SAXO1: variants seen among roughly 807,000 people sequenced by gnomAD.
The protein encoded by SAXO1 is 4930500O09Rik.
In SAXO1, 21 loss-of-function variants were observed where a neutral mutation model predicts 17.5. That is an observed-to-expected ratio of 1.20 (90% CI 0.85 to 1.72). The LOEUF (loss-of-function observed/expected upper bound fraction) is 1.72. Ranked by LOEUF, SAXO1 falls within the 40% of genes most tolerant of loss-of-function variation. The pLI, the probability that SAXO1 is intolerant of heterozygous loss-of-function variation, is 0.00. For missense variants in SAXO1, 843 were observed against 596.0 expected, an observed-to-expected ratio of 1.41 and a Z score of -4.32; for synonymous variants, 274 against 216.5, an observed-to-expected ratio of 1.27 and a Z score of -2.33.
chr9:18,991,884 C>A (rs1833830209), intron 1 of SAXO1, among the ~76,000 whole-genome samples: 1 of 152,106 alleles, frequency 6.6e-6, no homozygotes, highest in South Asian at 2.1e-4. Flanking sequence ...ATTTTGAGAC[C>A]TTTGGCTACC....
chr9:18,980,098 G>C lies in SAXO1; in HGVS notation c.39-29161C>G, dbSNP rs369384017. On this transcript the variant is annotated intron_variant, in intron 1 of 3. Transcript: ENST00000380534. Reference sequence around the variant, plus strand: ...GGACTTCAGATTTTTGAACATGCTGGACTTGCTCAAGTGTTTATTCTTCAT... The same window carrying C: ...GGACTTCAGATTTTTGAACATGCTGCACTTGCTCAAGTGTTTATTCTTCAT... Among the ~76,000 whole-genome samples, 62 of 152,280 alleles carry C rather than the reference G, an allele frequency of 4.1e-4. 1 individual carries two copies. Among genetic ancestry groups the C allele is most frequent in the African/African-American group, 1.5e-3 (61 of 41,568 alleles).
intron 1 of SAXO1, among the ~76,000 whole-genome samples, chr9:18,990,144 C>T (rs1027076639): frequency 2.7e-5 from 4 of 150,144 alleles, no homozygotes; most frequent in East Asian, 4.0e-4. Context: ...GCCTACCCTG[C>T]GCACACCAAG....
At chr9:18,945,439 T>A (rs1031904096) in intron 2 of SAXO1, among the ~76,000 whole-genome samples, 2 of 152,232 alleles carry the variant, frequency 1.3e-5, no homozygotes, top group Admixed American at 1.3e-4. Context: ...TTTGATTGAC[T>A]TTGTCACTTC....
intron 1 of SAXO1, among the ~76,000 whole-genome samples, chr9:19,030,072 T>C (rs1428945805): frequency 6.6e-6 from 1 of 152,174 alleles, no homozygotes; most frequent in African/African-American, 2.4e-5. Flanking sequence ...GGGTTTTTCT[T>C]TGATGGGGAG....
intron 1 of SAXO1, among the ~76,000 whole-genome samples, chr9:18,992,695 G>T (rs184602985): frequency 1.3e-5 from 2 of 152,280 alleles, no homozygotes; most frequent in Admixed American, 6.5e-5. Flanking sequence ...GGAGACAGAC[G>T]TTGGCACATT....
At chr9:19,037,504 C>G (rs1563997108), upstream of SAXO1, among the ~76,000 whole-genome samples, 1 of 152,192 alleles carries the variant, frequency 6.6e-6, no homozygotes, top group Non-Finnish European at 1.5e-5. Flanking sequence ...TAGTAAGTCT[C>G]ACAAGTTCTG....
In SAXO1 at chr9:19,032,314, G is replaced by A. The variant is rs551137841; in HGVS notation, c.38+557C>T. 7.0e-4 allele frequency among the ~76,000 whole-genome samples: 107 copies of A among 152,332 alleles called. 3 individuals carry two copies. In the South Asian group the frequency reaches 0.021, roughly 29 times the overall value. ...TTTCCCCCAGGACCACCTTTACTGC[G>A]CTTCCACCCAAAGATGGTCCTTAAA... On this transcript the variant is annotated intron_variant, in intron 1 of 3. Coordinates refer to ENST00000380534, the MANE Select transcript of SAXO1 (RefSeq NM_153707.4).
chr9:18,965,875 C>T (rs1486420412), intron 1 of SAXO1, among the ~76,000 whole-genome samples: 1 of 152,128 alleles, frequency 6.6e-6, no homozygotes, highest in Non-Finnish European at 1.5e-5. Context: ...TTTTGCGTGG[C>T]TGGTACCGTC....
chr9:19,003,666 G>A (rs557229961), intron 1 of SAXO1, among the ~76,000 whole-genome samples: 46 of 152,274 alleles, frequency 3.0e-4, no homozygotes, highest in African/African-American at 1.1e-3. Flanking sequence ...TTTAATAAAT[G>A]GTGCTGGGAA....
chr9:19,014,383 A>AC (rs1834878461), intron 1 of SAXO1, among the ~76,000 whole-genome samples: 1 of 143,090 alleles, frequency 7.0e-6, no homozygotes, highest in African/African-American at 2.6e-5. Context: ...AATCCCTTGA[A>AC]CCTGGGGGGC....
At chr9:18,968,269 T>A (rs140744944) in intron 1 of SAXO1, among the ~76,000 whole-genome samples, 4 of 152,206 alleles carry the variant, frequency 2.6e-5, no homozygotes, top group Non-Finnish European at 5.9e-5. Context: ...GGTCTCGAAC[T>A]CTTGGGCTCA....
chr9:19,039,913 G>T lies in SAXO1; in HGVS notation c.-158+9296C>A, dbSNP rs373936653. On this transcript the variant is annotated intron_variant, in intron 1 of 3. Coordinates refer to the SAXO1 transcript ENST00000542071. ...CCAGCTAATTTTTGTATTTTTAGTA[G>T]AGACAGGGTTTCACCATGTTGGCCA... is the stretch of plus-strand genomic sequence containing the variant. Among the ~76,000 whole-genome samples the T allele has an allele frequency of 6.6e-5, 10 of 152,230 alleles. No individual in the cohort carries two copies. The East Asian group carries it at 1.5e-3, about 24-fold the overall frequency.
intron 1 of SAXO1, among the ~76,000 whole-genome samples, chr9:19,045,888 G>T (rs78710394): frequency 0.11 from 16,242 of 152,074 alleles, 1,013 homozygotes; most frequent in Admixed American, 0.14. Flanking sequence ...ACTGCCGGGC[G>T]CGGTGGCTCA....
At chr9:19,031,332 C>T (rs1239001276) in intron 1 of SAXO1, among the ~76,000 whole-genome samples, 1 of 152,052 alleles carries the variant, frequency 6.6e-6, no homozygotes, top group Non-Finnish European at 1.5e-5. Context: ...GAGGCCGAGG[C>T]AGGCGATCAC....
chr9:19,025,917 G>A (rs1211567308), intron 1 of SAXO1, among the ~76,000 whole-genome samples: 1 of 151,810 alleles, frequency 6.6e-6, no homozygotes, highest in African/African-American at 2.4e-5. Context: ...TTCTCAGTTG[G>A]ACCAGAGCCT....
intron 2 of SAXO1, among the ~76,000 whole-genome samples, chr9:18,943,279 C>T (rs569553565): frequency 4.6e-5 from 7 of 152,318 alleles, no homozygotes; most frequent in African/African-American, 1.7e-4. Context: ...ATCTTAGCGG[C>T]AGTTATAGGA....
chr9:18,991,564 C>T (rs185523363), intron 1 of SAXO1, among the ~76,000 whole-genome samples: 6 of 152,010 alleles, frequency 3.9e-5, no homozygotes, highest in Admixed American at 2.0e-4. Context: ...TGGGGCTTGT[C>T]GCGGAGTGGG....
intron 1 of SAXO1, among the ~76,000 whole-genome samples, chr9:18,992,902 G>A (rs1833865599): frequency 6.6e-6 from 1 of 152,002 alleles, no homozygotes; most frequent in South Asian, 2.1e-4. Flanking sequence ...CTGGGTTCAA[G>A]TGATTCTCCT....
chr9:18,952,675 C>T (rs927335807), intron 1 of SAXO1, among the ~76,000 whole-genome samples: 14 of 152,170 alleles, frequency 9.2e-5, no homozygotes, highest in African/African-American at 3.1e-4. Flanking sequence ...ATTATAAAAG[C>T]AGTATTGATT....
Sources: gnomAD v4.1 joint callset for allele counts (sites outside exome capture counted in the v4.1 genomes callset) on GRCh38, gnomAD v4.1.1 for gene constraint, MANE v1.5 for transcripts, NCBI Gene and HGNC (gene_info 2026-07-23, HGNC 2026-07-21) for gene names.